The following PLXNA4 variants were observed in gnomAD, a reference collection of about 807,000 sequenced individuals.
PLXNA4 encodes the protein plexin A4.
A neutral mutation model predicts 191.8 loss-of-function variants in PLXNA4; 44 were observed. The observed-to-expected ratio is 0.23, with a 90% CI of 0.18 to 0.29. The LOEUF (loss-of-function observed/expected upper bound fraction) is 0.29, where lower values mean the gene tolerates loss of function less well. Ranked by LOEUF, PLXNA4 falls within the 10% of genes least tolerant of loss-of-function variation. The probability of loss-of-function intolerance (pLI) is 1.00; values close to 1 mark genes in which losing one functional copy is unlikely to be tolerated. For missense variants in PLXNA4, 1,800 were observed against 2,488.8 expected, an observed-to-expected ratio of 0.72 and a Z score of 5.89; for synonymous variants, 1,082 against 1,009.5, an observed-to-expected ratio of 1.07 and a Z score of -1.36.
intron 1 of PLXNA4, among the ~76,000 whole-genome samples, chr7:132,564,969 T>C (rs932827883): frequency 2.7e-5 from 4 of 150,592 alleles, no homozygotes; most frequent in Non-Finnish European, 4.4e-5. Context: ...CGACCTGCCA[T>C]CCCTGCTGCA....
At chr7:132,444,393 G>A (rs2023412) in intron 3 of PLXNA4, among the ~76,000 whole-genome samples, 110,043 of 152,210 alleles carry the variant, frequency 0.72, 43,828 homozygotes, top group Non-Finnish European at 0.89. Flanking sequence ...TAGCTGGGAT[G>A]ACAGGCATGT....
At position 132,545,072 on chromosome 7, in the gene PLXNA4, A is replaced by AT. The variant is rs542444163; in HGVS notation, c.-87+31349dup. Among the ~76,000 whole-genome samples the AT allele has an allele frequency of 7.6e-3, 1,160 of 152,114 alleles. 15 individuals carry two copies. The highest frequency in any genetic ancestry group is 0.026 in the African/African-American group (1,060 of 41,504). ...TGCAAAAAGCAAATGTAGCAAATGT[A>AT]TTTTTTTTCTCCCTATTCTGTACCA... is the stretch of plus-strand genomic sequence containing the variant. On this transcript the variant is annotated intron_variant, in intron 1 of 31. Transcript: ENST00000321063.
Position 132,127,188 on chromosome 7 carries a change from T to TTGA in PLXNA4, c.*3288_*3290dup, listed in dbSNP as rs1313849007. The TTGA allele has an allele frequency of 2.0e-5, 3 of 152,226 alleles. No homozygotes were observed. The highest frequency in any genetic ancestry group is 4.4e-5 in the Non-Finnish European group (3 of 68,050). 9.4% of individuals were successfully genotyped at this position (152,226 alleles called of 1,614,324 possible). A position where few individuals can be genotyped will look rare whatever the true frequency, so the allele number is the denominator to read the frequency against. ...TCCCACCTAAACTTTGTCAGTGATT[T>TTGA]TGATGGCTCAGTCTGGTACCATTTT... On this transcript the variant is annotated 3_prime_UTR_variant, in exon 32 of 32. Transcript: ENST00000321063.
At chr7:132,152,960 T>A (rs908098025) in intron 25 of PLXNA4, among the ~76,000 whole-genome samples, 10 of 152,194 alleles carry the variant, frequency 6.6e-5, no homozygotes, top group African/African-American at 2.4e-4. Context: ...ACACTTGCCA[T>A]GTGCCCCCAG....
At chr7:132,578,507 A>G (rs1802339187), upstream of PLXNA4, among the ~76,000 whole-genome samples, 1 of 152,196 alleles carries the variant, frequency 6.6e-6, no homozygotes, top group Admixed American at 6.5e-5. Flanking sequence ...TTAAATGCCT[A>G]TACCTCCCTA....
chr7:132,334,263 T>C (rs1361820540), intron 3 of PLXNA4, among the ~76,000 whole-genome samples: 1 of 140,766 alleles, frequency 7.1e-6, no homozygotes, highest in East Asian at 2.0e-4. Context: ...TTTTTTTTTT[T>C]TTTTTTTTTT....
rs576261238 is a variant in PLXNA4, at chr7:132,625,432, T to C, written c.-87+20496A>G. Among the ~76,000 whole-genome samples, 3 of 152,336 alleles carry C rather than the reference T, an allele frequency of 2.0e-5. No individual in the cohort carries two copies. The East Asian group carries it at 5.8e-4, about 29-fold the overall frequency. On this transcript the variant is annotated intron_variant, in intron 2 of 4. Transcript: ENST00000378539. ...CCAATAAAACTGGTTAATTCTGCAATATTTCAAGGGGATATTCCCCTCTCT... is the reference window on the plus strand; with the variant it reads ...CCAATAAAACTGGTTAATTCTGCAACATTTCAAGGGGATATTCCCCTCTCT...
intron 4 of PLXNA4, among the ~76,000 whole-genome samples, chr7:132,246,353 T>C (rs1436141836): frequency 6.6e-6 from 1 of 152,226 alleles, no homozygotes; most frequent in East Asian, 1.9e-4. Context: ...TCATGTATCA[T>C]TACATAACTG....
rs770625791 is a variant in PLXNA4 at position 132,147,976 on chromosome 7, T to C, written c.4788A>G (p.Ala1596=). The change falls in exon 27 of 32, where the codon GCA becomes GCG. Residue 1596 remains alanine (A), a synonymous_variant. Transcript: ENST00000321063. ...HYQVPDGSVV[A]LVSKQVTAYN... Reference sequence around the variant, plus strand: ...AGGCTGTCACCTGCTTGGACACTAATGCCACCACGGAACCATCTGGCACCT... The same window carrying C: ...AGGCTGTCACCTGCTTGGACACTAACGCCACCACGGAACCATCTGGCACCT... The C allele has an allele frequency of 4.3e-6, 7 of 1,614,060 alleles. No homozygotes were observed. The highest frequency in any genetic ancestry group is 5.1e-6 in the Non-Finnish European group (6 of 1,180,048).
intron 4 of PLXNA4, among the ~76,000 whole-genome samples, chr7:132,290,377 C>A (rs1158823722): frequency 6.6e-6 from 1 of 152,200 alleles, no homozygotes; most frequent in Non-Finnish European, 1.5e-5. Flanking sequence ...GGGACAGCTG[C>A]TTCTCCCCTG....
intron 1 of PLXNA4, among the ~76,000 whole-genome samples, chr7:132,522,425 T>C (rs1165384023): frequency 6.6e-6 from 1 of 152,192 alleles, no homozygotes; most frequent in African/African-American, 2.4e-5. Flanking sequence ...AGTCATGCCT[T>C]TCCTCTCTCT....
At chr7:132,180,300 C>G (rs1675266051) in intron 19 of PLXNA4, among the ~76,000 whole-genome samples, 1 of 152,188 alleles carries the variant, frequency 6.6e-6, no homozygotes, top group Admixed American at 6.5e-5. Context: ...TTCCCTGGGC[C>G]AGCAACAGCC....
chr7:132,568,002 G>T (rs954766610), intron 1 of PLXNA4, among the ~76,000 whole-genome samples: 1 of 152,162 alleles, frequency 6.6e-6, no homozygotes, highest in African/African-American at 2.4e-5. Context: ...GGACAAGAGA[G>T]CAGGGAAAGA....
chr7:132,276,218 AG>A (rs1312368222), intron 4 of PLXNA4, among the ~76,000 whole-genome samples: 1 of 152,196 alleles, frequency 6.6e-6, no homozygotes, highest in East Asian at 1.9e-4. Flanking sequence ...ACTCTGTCAA[AG>A]GAATATGAGT....
At chr7:132,389,711 A>C (rs1585069722) in intron 3 of PLXNA4, among the ~76,000 whole-genome samples, 1 of 152,234 alleles carries the variant, frequency 6.6e-6, no homozygotes, top group Non-Finnish European at 1.5e-5. Context: ...TGATGCCTCC[A>C]GCTTTGTTCT....
At chr7:132,401,353 T>C (rs937270067) in intron 3 of PLXNA4, among the ~76,000 whole-genome samples, 1 of 152,358 alleles carries the variant, frequency 6.6e-6, no homozygotes, top group Non-Finnish European at 1.5e-5. Context: ...TCTGATTTAA[T>C]GGGACTAGGT....
At chr7:132,581,592 A>T (rs1392171003), upstream of PLXNA4, among the ~76,000 whole-genome samples, 6 of 152,220 alleles carry the variant, frequency 3.9e-5, no homozygotes, top group Non-Finnish European at 7.3e-5. Context: ...CTGCATTGCC[A>T]GCTCTGTGGT....
intron 1 of PLXNA4, among the ~76,000 whole-genome samples, chr7:132,525,567 G>A (rs1799367998): frequency 6.6e-6 from 1 of 152,136 alleles, no homozygotes; most frequent in Non-Finnish European, 1.5e-5. Context: ...TTTTGTGGGG[G>A]GCACCAGAAA....
rs147687830 is a variant in PLXNA4, at chr7:132,414,946, A to G, written c.1371+74346T>C. Among the ~76,000 whole-genome samples, 1,465 of 152,196 alleles carry G rather than the reference A, an allele frequency of 9.6e-3. 15 individuals carry two copies. The highest frequency in any genetic ancestry group is 0.037 in the Middle Eastern group (11 of 294). ...AGGACAACAAATCCTCTCCCAAATCAATCCATTGGAATCCACAACCTCCTA... is the reference window on the plus strand; with the variant it reads ...AGGACAACAAATCCTCTCCCAAATCGATCCATTGGAATCCACAACCTCCTA... On this transcript the variant is annotated intron_variant, in intron 3 of 31. Transcript: ENST00000321063.
Sources: gnomAD v4.1 joint callset for allele counts (sites outside exome capture counted in the v4.1 genomes callset) on GRCh38, gnomAD v4.1.1 for gene constraint, MANE v1.5 for transcripts, NCBI Gene and HGNC (gene_info 2026-07-23, HGNC 2026-07-21) for gene names.